Variants in STK32B observed in about 807,000 individuals in gnomAD.
The protein encoded by STK32B is serine/threonine-protein kinase 32B.
In STK32B, 43 loss-of-function variants were observed where a neutral mutation model predicts 52.6. The ratio of observed to expected loss-of-function variants is 0.82; its 90% CI spans 0.64 to 1.05. The LOEUF (loss-of-function observed/expected upper bound fraction) is 1.05, where lower values mean the gene tolerates loss of function less well. STK32B is among the 50% of genes least tolerant of loss of function. STK32B has a pLI of 0.00. For missense variants in STK32B, 621 were observed against 534.6 expected, an observed-to-expected ratio of 1.16 and a Z score of -1.59; for synonymous variants, 238 against 204.3, an observed-to-expected ratio of 1.17 and a Z score of -1.41.
At chr4:5,154,096 A>G (rs1206060539) in intron 2 of STK32B, among the ~76,000 whole-genome samples, 1 of 152,198 alleles carries the variant, frequency 6.6e-6, no homozygotes, top group Non-Finnish European at 1.5e-5. Flanking sequence ...TGTACTGTGA[A>G]CCTACAATGA....
At chr4:5,125,692 C>T (rs1003392693) in intron 1 of STK32B, among the ~76,000 whole-genome samples, 4 of 152,190 alleles carry the variant, frequency 2.6e-5, no homozygotes, top group Admixed American at 2.6e-4. Flanking sequence ...TCTCTACTCT[C>T]ATCCCCGCAC....
intron 1 of STK32B, among the ~76,000 whole-genome samples, chr4:5,098,852 G>C (rs774994801): frequency 3.9e-5 from 6 of 152,214 alleles, no homozygotes; most frequent in Non-Finnish European, 8.8e-5. Context: ...TCCAGGGAAA[G>C]AAGATGCTAT....
intron 3 of STK32B, among the ~76,000 whole-genome samples, chr4:5,168,744 T>C (rs987694857): frequency 6.6e-6 from 1 of 152,216 alleles, no homozygotes; most frequent in Non-Finnish European, 1.5e-5. Context: ...ATGCCGAAGA[T>C]AGGCTACTAA....
chr4:5,433,226 A>G (rs1447953085), intron 6 of STK32B, among the ~76,000 whole-genome samples: 1 of 152,144 alleles, frequency 6.6e-6, no homozygotes, highest in Non-Finnish European at 1.5e-5. Flanking sequence ...CTTGGTGACC[A>G]ATCAAATGGT....
At chr4:5,261,949 A>G (rs1035042453) in intron 3 of STK32B, among the ~76,000 whole-genome samples, 1 of 152,224 alleles carries the variant, frequency 6.6e-6, no homozygotes, top group African/African-American at 2.4e-5. Context: ...AATCAAATGT[A>G]AATGAGCAGC....
At chr4:5,250,565 G>A (rs943628525) in intron 3 of STK32B, among the ~76,000 whole-genome samples, 5 of 151,992 alleles carry the variant, frequency 3.3e-5, no homozygotes, top group Non-Finnish European at 5.9e-5. Context: ...CACCCGCCTC[G>A]GCCTCCCAAA....
intron 2 of STK32B, among the ~76,000 whole-genome samples, chr4:5,163,492 A>C (rs1718608282): frequency 6.6e-6 from 1 of 151,804 alleles, no homozygotes; most frequent in South Asian, 2.1e-4. Context: ...TTGGTGATAG[A>C]GAAACTCTTC....
intron 3 of STK32B, among the ~76,000 whole-genome samples, chr4:5,176,822 G>A (rs555350999): frequency 1.9e-4 from 29 of 152,264 alleles, no homozygotes; most frequent in Middle Eastern, 3.4e-3. Flanking sequence ...TTGGTTACAT[G>A]ACAGGGCTGG....
intron 11 of STK32B, among the ~76,000 whole-genome samples, chr4:5,491,112 T>C (rs1719695042): frequency 6.6e-6 from 1 of 152,214 alleles, no homozygotes; most frequent in African/African-American, 2.4e-5. Flanking sequence ...CTGGGTCAAA[T>C]GGTATTTCCA....
chr4:5,081,002 T>A (rs1438761476), intron 1 of STK32B, among the ~76,000 whole-genome samples: 1 of 152,202 alleles, frequency 6.6e-6, no homozygotes, highest in Non-Finnish European at 1.5e-5. Flanking sequence ...TCTGTTTTTG[T>A]GAGTTTGGCT....
intron 3 of STK32B, among the ~76,000 whole-genome samples, chr4:5,182,261 A>G (rs1489004513): frequency 1.3e-5 from 2 of 152,094 alleles, no homozygotes; most frequent in Non-Finnish European, 2.9e-5. Flanking sequence ...GAACCTGTCA[A>G]AGTCACCCCT....
At chr4:5,221,267 T>A (rs1723519310) in intron 3 of STK32B, among the ~76,000 whole-genome samples, 1 of 152,206 alleles carries the variant, frequency 6.6e-6, no homozygotes, top group Non-Finnish European at 1.5e-5. Flanking sequence ...GAATGAACTA[T>A]ATTCTTCACA....
intron 11 of STK32B, among the ~76,000 whole-genome samples, chr4:5,485,423 T>C (rs759142804): frequency 2.4e-4 from 36 of 152,352 alleles, no homozygotes; most frequent in Non-Finnish European, 4.4e-4. Context: ...TCTCGTGCCA[T>C]GGTTTTCAGC....
intron 1 of STK32B, among the ~76,000 whole-genome samples, chr4:5,124,859 G>A (rs377279306): frequency 4.6e-5 from 7 of 152,296 alleles, no homozygotes; most frequent in African/African-American, 1.2e-4. Context: ...AAGATGGCCC[G>A]TCATGAACCT....
chr4:5,272,718 C>T (rs1322325846), intron 3 of STK32B, among the ~76,000 whole-genome samples: 1 of 150,692 alleles, frequency 6.6e-6, no homozygotes, highest in Non-Finnish European at 1.5e-5. Flanking sequence ...TTTGACAAAC[C>T]TGAGAAAAAC....
intron 1 of STK32B, among the ~76,000 whole-genome samples, chr4:5,113,794 G>C (rs1455022268): frequency 2.6e-5 from 4 of 152,306 alleles, no homozygotes; most frequent in African/African-American, 9.6e-5. Flanking sequence ...AAAAAAGAAA[G>C]AGGTTTAATG....
Position 5,404,642 on chromosome 4 carries a change from A to T in STK32B, c.472+6398A>T, listed in dbSNP as rs190774120. Among the ~76,000 whole-genome samples the T allele has an allele frequency of 5.2e-3, 796 of 151,890 alleles. 7 individuals are homozygous for T. The highest frequency in any genetic ancestry group is 0.015 in the Admixed American group (235 of 15,244). On this transcript the variant is annotated intron_variant, in intron 5 of 11. Transcript: ENST00000282908. ...ATCCTCTTCCATATTTTGGTCTCTT[A>T]ATCTACCAACCTCCGAGAAATCATC...
chr4:5,465,736 G>A (rs1363065321), intron 9 of STK32B, among the ~76,000 whole-genome samples: 1 of 152,164 alleles, frequency 6.6e-6, no homozygotes, highest in East Asian at 1.9e-4. Context: ...TAAAAGGAGA[G>A]GACACAGGGC....
intron 3 of STK32B, among the ~76,000 whole-genome samples, chr4:5,189,756 C>T (rs1721034770): frequency 6.6e-6 from 1 of 152,106 alleles, no homozygotes; most frequent in African/African-American, 2.4e-5. Context: ...ATGGCTGTGC[C>T]ATTTTGGATT....
Sources: allele counts gnomAD v4.1 joint callset (sites outside exome capture counted in the v4.1 genomes callset), GRCh38; gene constraint gnomAD v4.1.1; transcripts MANE v1.5; gene names NCBI Gene and HGNC (gene_info 2026-07-23, HGNC 2026-07-21).